The following CFTR variants were observed in gnomAD, a reference collection of about 807,000 sequenced individuals.
CFTR encodes cystic fibrosis transmembrane conductance regulator.
CFTR carries 181 observed loss-of-function variants against 171.6 expected under a neutral mutation model. The observed-to-expected ratio is 1.05, with a 90% confidence interval of 0.93 to 1.19. The LOEUF is 1.19. Ranked by LOEUF, CFTR falls within the 50% of genes most tolerant of loss-of-function variation. CFTR has a pLI of 0.00. For missense variants in CFTR, 1,968 were observed against 1,734.7 expected (o/e 1.13, Z -2.39); for synonymous variants, 583 against 608.0 (o/e 0.96, Z 0.60).
chr7:117,556,425 G>A (rs1366679867), intron 10 of CFTR, among the ~76,000 whole-genome samples: 1 of 147,458 alleles, frequency 6.8e-6, no homozygotes, highest in East Asian at 2.0e-4. Flanking sequence ...CCCTGATTCT[G>A]TTTAAATAGC....
intron 24 of CFTR, 45 bp downstream of exon 24, chr7:117,652,976 C>A (rs1793111367): frequency 2.7e-6 from 3 of 1,118,520 alleles, no homozygotes; most frequent in South Asian, 1.2e-5. Flanking sequence ...TAACTCATAC[C>A]AACACAAATG....
At chr7:117,498,887 A>G (rs948953944) in intron 1 of CFTR, among the ~76,000 whole-genome samples, 1 of 149,402 alleles carries the variant, frequency 6.7e-6, no homozygotes, top group Non-Finnish European at 1.5e-5. Flanking sequence ...AATACATTGG[A>G]TGATCAGAAA....
intron 6 of CFTR, among the ~76,000 whole-genome samples, chr7:117,535,680 G>T (rs948742880): frequency 6.6e-6 from 1 of 151,632 alleles, no homozygotes; most frequent in Non-Finnish European, 1.5e-5. Context: ...GATTAGAGGC[G>T]CATGCCACCA....
intron 7 of CFTR, among the ~76,000 whole-genome samples, chr7:117,537,368 T>G (rs1798975229): frequency 6.6e-6 from 1 of 151,790 alleles, no homozygotes; most frequent in Non-Finnish European, 1.5e-5. Context: ...GGGCAAAATA[T>G]AAACTACAGC....
Position 117,665,552 on chromosome 7 carries a change from C to G in CFTR, c.4230C>G (p.Cys1410Trp), listed in dbSNP as rs1165501753. 1 of 1,609,116 alleles carries G rather than the reference C, an allele frequency of 6.2e-7. No individual in the cohort carries two copies. Among genetic ancestry groups the G allele is most frequent in the East Asian group, 2.2e-5 (1 of 44,750 alleles). The change falls in exon 26 of 27, where the codon TGC (cysteine) becomes TGG (tryptophan). Residue 1410 changes from cysteine to tryptophan, a missense_variant. Cys to Trp is a radical substitution (Grantham distance 215, BLOSUM62 -2). Coordinates refer to ENST00000003084, the MANE Select transcript of CFTR (RefSeq NM_000492.4). The part of the protein sequence containing the change: ...CEHRIEAMLE[C>W]QQFLVIEENK... The stretch of plus-strand genomic sequence containing the variant: ...ACAGGATAGAAGCAATGCTGGAATG[C>G]CAACAATTTTTGGTGAGTCTTTATA...
At chr7:117,561,098 C>G (rs570449357) in intron 11 of CFTR, among the ~76,000 whole-genome samples, 2 of 152,004 alleles carry the variant, frequency 1.3e-5, no homozygotes, top group East Asian at 3.9e-4. Context: ...AAATTTAGTA[C>G]TGTGGGTCTC....
At chr7:117,623,899 G>A (rs1792615577) in intron 21 of CFTR, among the ~76,000 whole-genome samples, 1 of 152,108 alleles carries the variant, frequency 6.6e-6, no homozygotes, top group African/African-American at 2.4e-5. Context: ...TGTTTAACAT[G>A]AAGCCTATGA....
At chr7:117,618,768 A>G (rs1224887935) in intron 21 of CFTR, among the ~76,000 whole-genome samples, 1 of 152,176 alleles carries the variant, frequency 6.6e-6, no homozygotes. Flanking sequence ...GTCTGGCCCT[A>G]TTTGGCAGGT....
chr7:117,500,520 C>A (rs1299679169), intron 1 of CFTR, among the ~76,000 whole-genome samples: 2 of 151,876 alleles, frequency 1.3e-5, no homozygotes, highest in Non-Finnish European at 2.9e-5. Context: ...GAACTCCTTA[C>A]CTCAGGTGAT....
chr7:117,486,549 G>A (rs1488640249), intron 1 of CFTR, among the ~76,000 whole-genome samples: 1 of 152,026 alleles, frequency 6.6e-6, no homozygotes, highest in African/African-American at 2.4e-5. Flanking sequence ...AAAGAGGGTA[G>A]GGATGGGCTA....
chr7:117,567,154 C>A (rs1269389795), intron 11 of CFTR, among the ~76,000 whole-genome samples: 1 of 152,134 alleles, frequency 6.6e-6, no homozygotes, highest in Non-Finnish European at 1.5e-5. Flanking sequence ...TATATATGCC[C>A]GATGTTTCGA....
chr7:117,665,368 A>G, intron 25 of CFTR, 91 bp from the exon 26 acceptor site: 1 of 772,226 alleles, frequency 1.3e-6, no homozygotes, highest in African/African-American at 1.8e-5. Flanking sequence ...AGTAATTTAA[A>G]GAGATAATAG....
chr7:117,530,537 G>A (rs1246994497), intron 3 of CFTR, among the ~76,000 whole-genome samples: 1 of 152,072 alleles, frequency 6.6e-6, no homozygotes, highest in Non-Finnish European at 1.5e-5. Context: ...CTCTGATACT[G>A]AAAGTTGTTA....
At chr7:117,565,298 G>T (rs1046116677) in intron 11 of CFTR, among the ~76,000 whole-genome samples, 2 of 152,136 alleles carry the variant, frequency 1.3e-5, no homozygotes, top group Admixed American at 1.3e-4. Context: ...ATTGTATTTT[G>T]TTATTAAAAG....
intron 21 of CFTR, among the ~76,000 whole-genome samples, chr7:117,614,952 C>G (rs1459066540): frequency 6.6e-6 from 1 of 152,082 alleles, no homozygotes; most frequent in Non-Finnish European, 1.5e-5. Flanking sequence ...TTTCCTTATT[C>G]AGGATTTTCT....
chr7:117,504,316 A>T lies in CFTR; in HGVS notation c.117A>T (p.Gln39His), dbSNP rs764522674. 3 of 1,612,564 alleles carry T rather than the reference A, an allele frequency of 1.9e-6. No individual in the cohort carries two copies. The highest frequency in any genetic ancestry group is 2.5e-6 in the Non-Finnish European group (3 of 1,178,652). ...GCCTGGAATTGTCAGACATATACCA[A>T]ATCCCTTCTGTTGATTCTGCTGACA... The part of the protein sequence containing the change: ...RQRLELSDIY[Q>H]IPSVDSADNL... The change falls in exon 2 of 27, where the codon CAA (glutamine) becomes CAT (histidine). Residue 39 changes from glutamine to histidine, a missense_variant. Gln to His is a conservative substitution (Grantham distance 24). Transcript: ENST00000003084.
At chr7:117,556,211 C>T (rs1019644296) in intron 10 of CFTR, among the ~76,000 whole-genome samples, 8 of 151,900 alleles carry the variant, frequency 5.3e-5, no homozygotes, top group Admixed American at 2.6e-4. Context: ...ACTACAGGCA[C>T]GCACAACCAC....
chr7:117,627,556 A>G lies in CFTR; in HGVS notation c.3503A>G (p.Asp1168Gly), dbSNP rs150326506. 4.3e-6 allele frequency: 7 copies of G among 1,613,186 alleles called. No individual in the cohort carries two copies. The African/African-American group carries it at 6.7e-5, about 15-fold the overall frequency. The change falls in exon 22 of 27, where the codon GAC becomes GGC. Residue 1168 changes from aspartate to glycine, a missense_variant. Physicochemically the swap from Asp to Gly is moderately conservative, Grantham distance 94 (BLOSUM62 -1). Transcript: ENST00000003084. ...RSVSRVFKFI[D>G]MPTEGKPTKS... Reference sequence around the variant, plus strand: ...GTGAGCCGAGTCTTTAAGTTCATTGACATGCCAACAGAAGGTAAACCTACC... The same window carrying G: ...GTGAGCCGAGTCTTTAAGTTCATTGGCATGCCAACAGAAGGTAAACCTACC...
intron 1 of CFTR, among the ~76,000 whole-genome samples, chr7:117,496,310 G>T (rs1309619993): frequency 1.3e-5 from 2 of 151,928 alleles, no homozygotes; most frequent in African/African-American, 4.8e-5. Flanking sequence ...GGCGAAAGCG[G>T]TCCTCCCACC....
Sources: gnomAD v4.1 joint callset for allele counts (sites outside exome capture counted in the v4.1 genomes callset) on GRCh38, gnomAD v4.1.1 for gene constraint, MANE v1.5 for transcripts, NCBI Gene and HGNC (gene_info 2026-07-23, HGNC 2026-07-21) for gene names.